RC3H2: variants seen among roughly 807,000 people sequenced by gnomAD.
RC3H2 encodes the protein ring finger and CCCH-type domains 2.
A neutral mutation model predicts 133.3 loss-of-function variants in RC3H2; 31 were observed. The ratio of observed to expected loss-of-function variants is 0.23; its 90% CI spans 0.17 to 0.31. RC3H2 has a LOEUF of 0.31. Among genes scored for constraint, RC3H2 ranks in the 10% least tolerant of loss-of-function variants. The probability of loss-of-function intolerance (pLI) is 1.00; values close to 1 mark genes in which losing one functional copy is unlikely to be tolerated. For missense variants in RC3H2, 1,175 were observed against 1,437.2 expected (o/e 0.82, Z 2.95); for synonymous variants, 517 against 502.2 (o/e 1.03, Z -0.40).
intron 11 of RC3H2, 150 bp from the exon 12 acceptor site, chr9:122,859,252 CT>C (rs10608695): frequency 2.6e-3 from 490 of 190,164 alleles, no homozygotes; most frequent in East Asian, 9.8e-3. Context: ...TATACCCTGG[CT>C]TTTTTTTTTT....
rs1831515687 is a variant in RC3H2, at chr9:122,879,665, G to C, written c.1212+90C>G. 6 of 830,016 alleles carry C rather than the reference G, an allele frequency of 7.2e-6. No homozygotes were observed. The East Asian group carries it at 1.5e-4, about 20-fold the overall frequency. The allele number at this position is 830,016 out of a possible 1,614,324, so 51.4% of individuals were successfully genotyped here. A position where few individuals can be genotyped will look rare whatever the true frequency, so the allele number is the denominator to read the frequency against. On this transcript the variant is annotated intron_variant, in intron 8 of 20. Coordinates refer to ENST00000357244, the MANE Select transcript of RC3H2 (RefSeq NM_001100588.3). Reference sequence around the variant, plus strand: ...GATAGAAACTTATGAGTCACATACGGAGTCCAATTAACAAAACAGCTGGTT... The same window carrying C: ...GATAGAAACTTATGAGTCACATACGCAGTCCAATTAACAAAACAGCTGGTT...
At chr9:122,904,238 AG>A (rs1479787885) in intron 1 of RC3H2, among the ~76,000 whole-genome samples, 2 of 152,212 alleles carry the variant, frequency 1.3e-5, no homozygotes, top group Admixed American at 6.5e-5. Context: ...AGGGAACCCA[AG>A]GGTTATGAAA....
intron 10 of RC3H2, among the ~76,000 whole-genome samples, chr9:122,863,752 T>G (rs1411619577): frequency 2.6e-5 from 4 of 152,208 alleles, no homozygotes; most frequent in Non-Finnish European, 4.4e-5. Flanking sequence ...CTTTTTTTTT[T>G]TGAGATGGAG....
chr9:122,876,835 T>C (rs973605694), intron 9 of RC3H2, among the ~76,000 whole-genome samples: 3 of 147,810 alleles, frequency 2.0e-5, no homozygotes, highest in African/African-American at 7.5e-5. Context: ...AGAGAAAGAA[T>C]ACACAGGGAA....
intron 9 of RC3H2, among the ~76,000 whole-genome samples, chr9:122,876,251 G>A (rs1180890956): frequency 6.6e-6 from 1 of 152,178 alleles, no homozygotes. Flanking sequence ...TGAGTACAAT[G>A]GAAGGCAGGA....
chr9:122,856,814 G>A (rs576318578), intron 13 of RC3H2, among the ~76,000 whole-genome samples: 5 of 152,132 alleles, frequency 3.3e-5, no homozygotes, highest in Non-Finnish European at 5.9e-5. Flanking sequence ...TTCTCAAGTC[G>A]AACTCAGCAG....
intron 8 of RC3H2, among the ~76,000 whole-genome samples, chr9:122,877,955 CTACT>C (rs945074599): frequency 6.6e-6 from 1 of 152,032 alleles, no homozygotes; most frequent in African/African-American, 2.4e-5. Context: ...AAAGCTTTGT[CTACT>C]TAAACTTTCT....
chr9:122,891,007 GCC>G lies in RC3H2; in HGVS notation c.350-464_350-463del, dbSNP rs551114213. ...TGATCCTGCTTCCCCTACCAAATCT[GCC>G]CCATTTTTTTTTTTTTTTTTTTTTT... On this transcript the variant is annotated intron_variant, in intron 3 of 20. Transcript: ENST00000357244. Among the ~76,000 whole-genome samples the G allele has an allele frequency of 3.0e-3, 394 of 132,688 alleles. 2 individuals carry two copies. Among genetic ancestry groups the G allele is most frequent in the African/African-American group, 0.01 (372 of 35,974 alleles). The allele number at this position is 132,688 out of a possible 152,430, so 87.0% of individuals were successfully genotyped here.
chr9:122,880,438 G>C, intron 6 of RC3H2, 156 bp downstream of exon 6: 1 of 708,010 alleles, frequency 1.4e-6, no homozygotes, highest in Non-Finnish European at 2.3e-6. Context: ...TATTTTGCAA[G>C]TAGAAAAATA....
rs74759344 is a variant in RC3H2 at position 122,902,471 on chromosome 9, C to T, written c.-68+2639G>A. Among the ~76,000 whole-genome samples, 832 of 152,224 alleles carry T rather than the reference C, an allele frequency of 5.5e-3. 5 individuals are homozygous for T. The highest frequency in any genetic ancestry group is 0.044 in the East Asian group (227 of 5,192). On this transcript the variant is annotated intron_variant, in intron 1 of 20. Transcript: ENST00000357244. ...TATTTCTTGGAAGAGTAATGCTGAT[C>T]TACAACAGTAATATCCGATAGAAAT...
intron 2 of RC3H2, among the ~76,000 whole-genome samples, chr9:122,894,784 G>A (rs1051956749): frequency 6.6e-6 from 1 of 152,024 alleles, no homozygotes; most frequent in Admixed American, 6.6e-5. Context: ...GGAGGCTGAG[G>A]CAGGAGAATC....
In RC3H2 at chr9:122,858,108, A is replaced by G. The variant is rs770823604; in HGVS notation, c.2284-15T>C. On this transcript the variant is annotated splice_polypyrimidine_tract_variant and intron_variant, in intron 12 of 20. Transcript: ENST00000357244. ...CCACAAGGTTCCTAATGGGGGATAA[A>G]AGAAACAATCTTAATCATCTAGGGA... 83 of 1,612,482 alleles carry G rather than the reference A, an allele frequency of 5.1e-5. No homozygotes were observed. The highest frequency in any genetic ancestry group is 7.0e-5 in the Non-Finnish European group (82 of 1,179,202).
chr9:122,871,514 G>A (rs942358064), intron 9 of RC3H2, among the ~76,000 whole-genome samples: 3 of 151,264 alleles, frequency 2.0e-5, no homozygotes, highest in African/African-American at 4.9e-5. Context: ...AGTGGGGGGG[G>A]GGGTTTCATC....
chr9:122,882,179 A>G (rs1417179300), intron 5 of RC3H2, among the ~76,000 whole-genome samples: 1 of 152,108 alleles, frequency 6.6e-6, no homozygotes, highest in Non-Finnish European at 1.5e-5. Context: ...CTTAAGTAGT[A>G]AAAAAAACTA....
At chr9:122,897,651 T>C in intron 1 of RC3H2, 75 bp from the exon 2 acceptor site, 2 of 1,009,396 alleles carry the variant, frequency 2.0e-6, no homozygotes, top group Non-Finnish European at 2.8e-6. Context: ...TTAAGTCAAC[T>C]ATTACAGCTT....
In RC3H2 at chr9:122,860,732, A is replaced by G. The variant is rs2131398190; in HGVS notation, c.1635-601T>C. Among the ~76,000 whole-genome samples, 4 of 152,000 alleles carry G rather than the reference A, an allele frequency of 2.6e-5. 2 individuals are homozygous for G. The South Asian group carries it at 8.3e-4, about 32-fold the overall frequency. ...CCTGGCCATTACTCATTCTTTAAAC[A>G]AACATTTTTCCCTACTGAAGGTTAA... On this transcript the variant is annotated intron_variant, in intron 10 of 20. Transcript: ENST00000357244.
At chr9:122,852,539 G>C (rs1175454278) in intron 18 of RC3H2, among the ~76,000 whole-genome samples, 5 of 147,748 alleles carry the variant, frequency 3.4e-5, no homozygotes, top group African/African-American at 5.0e-5. Context: ...AGGTGGGGGG[G>C]TCAGCCCCCC....
rs1337089642 is a variant in RC3H2, at chr9:122,880,696, A to G, written c.858T>C (p.His286=). The G allele has an allele frequency of 6.2e-6, 10 of 1,614,022 alleles. No homozygotes were observed. In the African/African-American group the frequency reaches 1.1e-4, roughly 17 times the overall value. Residue 286 remains histidine (H), a synonymous_variant, in exon 6 of 21, where the codon CAT becomes CAC. Coordinates refer to ENST00000357244, the MANE Select transcript of RC3H2 (RefSeq NM_001100588.3). ...LRREHDAQIV[H]IAMEAGLRIS... The stretch of plus-strand genomic sequence containing the variant: ...TACGGAGTCCTGCTTCCATGGCAAT[A>G]TGAACAATTTGGGCATCATGTTCTC...
chr9:122,860,652 A>C (rs1487588951), intron 10 of RC3H2, among the ~76,000 whole-genome samples: 2 of 151,872 alleles, frequency 1.3e-5, no homozygotes, highest in African/African-American at 2.4e-5. Flanking sequence ...AGGCTCAGGC[A>C]ATTCTCCCAC....
Sources: allele counts gnomAD v4.1 joint callset (sites outside exome capture counted in the v4.1 genomes callset), GRCh38; gene constraint gnomAD v4.1.1; transcripts MANE v1.5; gene names NCBI Gene and HGNC (gene_info 2026-07-23, HGNC 2026-07-21).